The following NAV2 variants were observed in gnomAD, a reference collection of about 807,000 sequenced individuals.
NAV2 encodes the protein helicase, APC down-regulated 1.
A neutral mutation model predicts 223.2 loss-of-function variants in NAV2; 54 were observed. The observed-to-expected ratio is 0.24, with a 90% CI of 0.19 to 0.30. The LOEUF (loss-of-function observed/expected upper bound fraction) is 0.30, where lower values mean the gene tolerates loss of function less well. Ranked by LOEUF, NAV2 falls within the 10% of genes least tolerant of loss-of-function variation. The pLI is 1.00. For synonymous variants in NAV2, 1,279 were observed against 1,239.3 expected (o/e 1.03, Z -0.67); for missense variants, 2,806 against 3,147.5 (o/e 0.89, Z 2.60).
chr11:19,598,198 C>A (rs2046258510), intron 1 of NAV2, among the ~76,000 whole-genome samples: 1 of 152,220 alleles, frequency 6.6e-6, no homozygotes, highest in Non-Finnish European at 1.5e-5. Flanking sequence ...AGTGCCCCAG[C>A]CTCAGCCACA....
intron 1 of NAV2, among the ~76,000 whole-genome samples, chr11:19,553,747 C>G (rs2044769608): frequency 6.6e-6 from 1 of 152,260 alleles, no homozygotes; most frequent in Non-Finnish European, 1.5e-5. Flanking sequence ...TGCTGCAGAG[C>G]AGGTCTGGCC....
At chr11:20,114,838 C>A in intron 37 of NAV2, 43 bp downstream of exon 37, 1 of 1,562,958 alleles carries the variant, frequency 6.4e-7, no homozygotes, top group Non-Finnish European at 8.7e-7. Flanking sequence ...TCCTTTAGCA[C>A]TTACTGTGTG....
intron 11 of NAV2, among the ~76,000 whole-genome samples, chr11:20,017,245 T>TC (rs750158976): frequency 1.4e-4 from 21 of 152,126 alleles, no homozygotes; most frequent in South Asian, 8.3e-4. Flanking sequence ...TCCACTAATG[T>TC]CCCCACACCC....
chr11:19,678,596 C>T (rs773938615), intron 1 of NAV2, among the ~76,000 whole-genome samples: 1 of 152,136 alleles, frequency 6.6e-6, no homozygotes, highest in Non-Finnish European at 1.5e-5. Flanking sequence ...ATAGAACCCG[C>T]GTCTGAGGAG....
At position 19,624,731 on chromosome 11, in the gene NAV2, G is replaced by A. The variant is rs192619873; in HGVS notation, c.76-207753G>A. Among the ~76,000 whole-genome samples, 508 of 152,216 alleles carry A rather than the reference G, an allele frequency of 3.3e-3. 2 individuals carry two copies. The highest frequency in any genetic ancestry group is 4.2e-3 in the Non-Finnish European group (285 of 68,032). ...GTGAGGCGATTCCTCGCCCTGCTTC[G>A]GCTCACGCTTGGTGAGCTGCACCCA... is the stretch of plus-strand genomic sequence containing the variant. On this transcript the variant is annotated intron_variant, in intron 1 of 37. Transcript: ENST00000360655.
At chr11:19,519,002 C>T (rs912954253) in intron 1 of NAV2, among the ~76,000 whole-genome samples, 4 of 152,134 alleles carry the variant, frequency 2.6e-5, no homozygotes, top group African/African-American at 9.7e-5. Context: ...AGAAGAGGGC[C>T]CTCACCAGAA....
chr11:19,420,517 C>T (rs963514210), intron 1 of NAV2, among the ~76,000 whole-genome samples: 2 of 152,164 alleles, frequency 1.3e-5, no homozygotes, highest in African/African-American at 4.8e-5. Context: ...TATTCATATA[C>T]TCATTAAAGA....
chr11:19,748,583 G>C (rs10741798), intron 1 of NAV2, among the ~76,000 whole-genome samples: 78,804 of 152,128 alleles, frequency 0.52, 20,777 homozygotes, highest in South Asian at 0.65. Context: ...AATCCCTGGC[G>C]CCTAGCATGG....
chr11:19,602,321 G>C (rs767550884), intron 1 of NAV2, among the ~76,000 whole-genome samples: 13 of 151,954 alleles, frequency 8.6e-5, no homozygotes, highest in Non-Finnish European at 1.5e-4. Flanking sequence ...GAGACTGCAG[G>C]TGCACACCAC....
chr11:20,048,418 G>T (rs1277398964), intron 14 of NAV2, among the ~76,000 whole-genome samples: 1 of 152,146 alleles, frequency 6.6e-6, no homozygotes, highest in Non-Finnish European at 1.5e-5. Flanking sequence ...GAAAGAAAGG[G>T]AAGCAAGATC....
At chr11:19,822,120 C>T (rs2059412364) in intron 1 of NAV2, among the ~76,000 whole-genome samples, 1 of 152,200 alleles carries the variant, frequency 6.6e-6, no homozygotes, top group Admixed American at 6.5e-5. Flanking sequence ...TAATTATAAT[C>T]ACAGCTAACC....
At chr11:19,589,265 AC>A (rs2045986193) in intron 1 of NAV2, among the ~76,000 whole-genome samples, 1 of 152,328 alleles carries the variant, frequency 6.6e-6, no homozygotes, top group East Asian at 1.9e-4. Context: ...AAACGAACAA[AC>A]AAAAAAAACC....
intron 1 of NAV2, among the ~76,000 whole-genome samples, chr11:19,590,569 G>A (rs1208042120): frequency 6.6e-6 from 1 of 152,128 alleles, no homozygotes; most frequent in Non-Finnish European, 1.5e-5. Flanking sequence ...AGAAGCTTGA[G>A]TTTATATCTG....
At chr11:19,556,995 T>C (rs1409749602) in intron 1 of NAV2, among the ~76,000 whole-genome samples, 1 of 152,234 alleles carries the variant, frequency 6.6e-6, no homozygotes, top group Non-Finnish European at 1.5e-5. Flanking sequence ...TTTACTTCTT[T>C]CTCTTTATTC....
At chr11:19,889,727 A>C (rs563441572) in intron 5 of NAV2, among the ~76,000 whole-genome samples, 80 of 152,354 alleles carry the variant, frequency 5.3e-4, no homozygotes, top group Non-Finnish European at 1.2e-4. Context: ...TATCTTAGTT[A>C]ATCCCAAACC....
At chr11:19,462,931 T>TAG (rs1852216746) in intron 1 of NAV2, among the ~76,000 whole-genome samples, 1 of 152,134 alleles carries the variant, frequency 6.6e-6, no homozygotes, top group Non-Finnish European at 1.5e-5. Context: ...CTCTACAGAG[T>TAG]CCAAAATTTG....
chr11:19,581,573 G>A (rs1391890988), intron 1 of NAV2, among the ~76,000 whole-genome samples: 1 of 151,698 alleles, frequency 6.6e-6, no homozygotes, highest in Non-Finnish European at 1.5e-5. Context: ...GTGTCCATGT[G>A]TCTCATTGTT....
chr11:19,777,891 G>A (rs1185548078), intron 1 of NAV2: 1 of 455,806 alleles, frequency 2.2e-6, no homozygotes, highest in Admixed American at 2.4e-5. Context: ...CGCGTCCCCC[G>A]AGCCCCCATT....
chr11:19,458,187 G>A (rs1420066658), intron 1 of NAV2, among the ~76,000 whole-genome samples: 1 of 152,242 alleles, frequency 6.6e-6, no homozygotes, highest in African/African-American at 2.4e-5. Flanking sequence ...TGGGCCTGGT[G>A]CCCATAGCTG....
Sources: gnomAD v4.1 joint callset for allele counts (sites outside exome capture counted in the v4.1 genomes callset) on GRCh38, gnomAD v4.1.1 for gene constraint, MANE v1.5 for transcripts, NCBI Gene and HGNC (gene_info 2026-07-23, HGNC 2026-07-21) for gene names.